The following MAML2 variants were observed in gnomAD, a reference collection of about 807,000 sequenced individuals.
MAML2 encodes mastermind-like protein 2.
Under a neutral mutation model 96.1 loss-of-function variants are expected in MAML2, and 22 were observed. The observed-to-expected ratio is 0.23, with a 90% confidence interval of 0.16 to 0.33. The LOEUF is 0.33. Among genes scored for constraint, MAML2 ranks in the 10% least tolerant of loss-of-function variants. The pLI, the probability that MAML2 is intolerant of heterozygous loss-of-function variation, is 1.00. For missense variants in MAML2, 1,367 were observed against 1,392.4 expected (o/e 0.98, Z 0.29); for synonymous variants, 561 against 521.3 (o/e 1.08, Z -1.04).
chr11:96,038,871 G>T (rs1858760148), intron 2 of MAML2, among the ~76,000 whole-genome samples: 2 of 152,042 alleles, frequency 1.3e-5, no homozygotes, highest in African/African-American at 4.8e-5. Flanking sequence ...ATTCAACCTT[G>T]TATCTTCAGC....
intron 1 of MAML2, among the ~76,000 whole-genome samples, chr11:96,236,044 G>T (rs1266009497): frequency 6.6e-6 from 1 of 152,206 alleles, no homozygotes; most frequent in Admixed American, 6.5e-5. Context: ...GTCGCTCTGG[G>T]ACCCTGAGGG....
intron 2 of MAML2, among the ~76,000 whole-genome samples, chr11:95,996,150 T>G (rs1162082634): frequency 6.6e-6 from 1 of 152,188 alleles, no homozygotes; most frequent in East Asian, 1.9e-4. Flanking sequence ...TTAATGCATT[T>G]GACAAAGTAT....
chr11:96,252,407 G>A (rs943681568), intron 1 of MAML2, among the ~76,000 whole-genome samples: 11 of 149,246 alleles, frequency 7.4e-5, no homozygotes, highest in African/African-American at 2.5e-4. Context: ...TGTTCTCAGC[G>A]CTTTACCTTG....
chr11:96,000,157 GACA>G (rs1858059023), intron 2 of MAML2, among the ~76,000 whole-genome samples: 3 of 152,166 alleles, frequency 2.0e-5, no homozygotes, highest in African/African-American at 7.2e-5. Context: ...ACACAGCAAC[GACA>G]ACAACAATGA....
At chr11:96,255,821 A>G (rs1232644327) in intron 1 of MAML2, among the ~76,000 whole-genome samples, 1 of 126,584 alleles carries the variant, frequency 7.9e-6, no homozygotes, top group East Asian at 2.5e-4. Context: ...CTTATTGCTT[A>G]TTGTCGGACT....
chr11:96,114,252 C>G (rs1000058152), intron 1 of MAML2, among the ~76,000 whole-genome samples: 2 of 152,164 alleles, frequency 1.3e-5, no homozygotes, highest in African/African-American at 4.8e-5. Flanking sequence ...AAATCCTGAC[C>G]ATTCCTTGAT....
At chr11:96,206,462 T>C (rs1470851103) in intron 1 of MAML2, among the ~76,000 whole-genome samples, 1 of 152,104 alleles carries the variant, frequency 6.6e-6, no homozygotes, top group Non-Finnish European at 1.5e-5. Flanking sequence ...TAGCCAGGCA[T>C]GGTTGTGTAC....
At chr11:96,277,038 A>T (rs1370494787) in intron 1 of MAML2, among the ~76,000 whole-genome samples, 1 of 151,992 alleles carries the variant, frequency 6.6e-6, no homozygotes, top group Admixed American at 6.6e-5. Context: ...CTCTGTAAAA[A>T]CTCACAGCAT....
intron 1 of MAML2, among the ~76,000 whole-genome samples, chr11:96,128,353 C>T (rs566990872): frequency 1.3e-5 from 2 of 152,188 alleles, no homozygotes; most frequent in South Asian, 4.2e-4. Context: ...AAGATCATGC[C>T]ACTGCACTCT....
intron 1 of MAML2, among the ~76,000 whole-genome samples, chr11:96,164,036 GT>G (rs58205345): frequency 0.011 from 1,596 of 148,362 alleles, 13 homozygotes; most frequent in African/African-American, 0.023. Flanking sequence ...ATTTTTTTTT[GT>G]TTTTTTTTGG....
At chr11:96,118,278 C>G (rs1591023511) in intron 1 of MAML2, among the ~76,000 whole-genome samples, 1 of 151,574 alleles carries the variant, frequency 6.6e-6, no homozygotes, top group South Asian at 2.1e-4. Flanking sequence ...TGTCCCCAAC[C>G]AAATCTCATC....
chr11:96,067,410 T>A (rs1170723890), intron 2 of MAML2, among the ~76,000 whole-genome samples: 1 of 152,220 alleles, frequency 6.6e-6, no homozygotes, highest in Non-Finnish European at 1.5e-5. Context: ...CAAGCAAACG[T>A]GTTTCTTGCA....
chr11:96,189,220 G>T (rs936650359), intron 1 of MAML2, among the ~76,000 whole-genome samples: 2 of 152,020 alleles, frequency 1.3e-5, no homozygotes, highest in African/African-American at 4.8e-5. Flanking sequence ...CATATAAAAT[G>T]GATTTCCATT....
chr11:96,059,672 G>A (rs1859123820), intron 2 of MAML2, among the ~76,000 whole-genome samples: 1 of 152,164 alleles, frequency 6.6e-6, no homozygotes, highest in African/African-American at 2.4e-5. Flanking sequence ...CCAAAAATCT[G>A]AAAACCAAAA....
Position 96,341,937 on chromosome 11 carries a change from G to A in MAML2, c.-42C>T, listed in dbSNP as rs1263305183. On this transcript the variant is annotated 5_prime_UTR_variant, in exon 1 of 5. Transcript: ENST00000524717. ...ATTGCTGCCTCTGGGATGGTGAGGT[G>A]GAAAGAGGCTACTGCTGGCTATTGC... 7.5e-6 allele frequency: 11 copies of A among 1,470,004 alleles called. No homozygotes were observed. In the African/African-American group the frequency reaches 1.6e-4, roughly 21 times the overall value. The allele number at this position is 1,470,004 out of a possible 1,614,324, so 91.1% of individuals were successfully genotyped here.
At chr11:96,022,274 A>T (rs1237269650) in intron 2 of MAML2, among the ~76,000 whole-genome samples, 1 of 152,158 alleles carries the variant, frequency 6.6e-6, no homozygotes, top group African/African-American at 2.4e-5. Flanking sequence ...TCCCGTCCTG[A>T]ATCTTTCCTG....
intron 2 of MAML2, among the ~76,000 whole-genome samples, chr11:96,083,865 G>A (rs1305819443): frequency 6.6e-6 from 1 of 152,168 alleles, no homozygotes; most frequent in Non-Finnish European, 1.5e-5. Context: ...GGTAATCCAT[G>A]CTCAAAGAGA....
intron 2 of MAML2, among the ~76,000 whole-genome samples, chr11:96,086,303 A>G (rs1049723409): frequency 6.6e-6 from 1 of 152,230 alleles, no homozygotes; most frequent in African/African-American, 2.4e-5. Context: ...GTTTCATCCC[A>G]TTGTGAAACT....
chr11:96,217,523 CTG>C (rs759039072), intron 1 of MAML2, among the ~76,000 whole-genome samples: 1 of 152,200 alleles, frequency 6.6e-6, no homozygotes, highest in Non-Finnish European at 1.5e-5. Context: ...TCTTCCTTGA[CTG>C]TGTTATCTGT....
Sources: allele counts gnomAD v4.1 joint callset (sites outside exome capture counted in the v4.1 genomes callset), GRCh38; gene constraint gnomAD v4.1.1; transcripts MANE v1.5; gene names NCBI Gene and HGNC (gene_info 2026-07-23, HGNC 2026-07-21).